CSMD1: variants seen among roughly 807,000 people sequenced by gnomAD.
CSMD1 encodes the protein CUB and sushi domain-containing protein 1.
In CSMD1, 213 loss-of-function variants were observed where a neutral mutation model predicts 417.5. The ratio of observed to expected loss-of-function variants is 0.51; its 90% CI spans 0.46 to 0.57. The LOEUF (loss-of-function observed/expected upper bound fraction) is 0.57, where lower values mean the gene tolerates loss of function less well. Ranked by LOEUF, CSMD1 falls within the 20% of genes least tolerant of loss-of-function variation. CSMD1 has a pLI of 0.00. For synonymous variants in CSMD1, 2,862 were observed against 1,736.8 expected, an observed-to-expected ratio of 1.65 and a Z score of -16.11; for missense variants, 6,923 against 4,529.7, an observed-to-expected ratio of 1.53 and a Z score of -15.17.
intron 5 of CSMD1, among the ~76,000 whole-genome samples, chr8:3,954,342 G>A (rs765393425): frequency 2.0e-5 from 3 of 152,030 alleles, no homozygotes; most frequent in Non-Finnish European, 2.9e-5. Context: ...AAGGTCAAGA[G>A]CCATTTAACT....
intron 7 of CSMD1, among the ~76,000 whole-genome samples, chr8:3,703,783 A>T (rs1801008252): frequency 6.6e-6 from 1 of 151,968 alleles, no homozygotes; most frequent in African/African-American, 2.4e-5. Flanking sequence ...TATAAACTTA[A>T]CTCTCAGCTG....
intron 1 of CSMD1, among the ~76,000 whole-genome samples, chr8:4,805,697 G>A (rs984815197): frequency 1.3e-5 from 2 of 152,180 alleles, no homozygotes; most frequent in African/African-American, 4.8e-5. Flanking sequence ...GCAGATGACA[G>A]AACAGACCTC....
rs543436524 is a variant in CSMD1 at position 4,453,846 on chromosome 8, G to T, written c.303-33781C>A. Reference sequence around the variant, plus strand: ...TTTTTTTTTTTTTTTTTTTGAGACAGAGTCTCACTCTGTCACCCACGCTGG... The same window carrying T: ...TTTTTTTTTTTTTTTTTTTGAGACATAGTCTCACTCTGTCACCCACGCTGG... On this transcript the variant is annotated intron_variant, in intron 2 of 69. Coordinates refer to ENST00000635120, the MANE Select transcript of CSMD1 (RefSeq NM_033225.6). Among the ~76,000 whole-genome samples the T allele has an allele frequency of 5.0e-5, 5 of 99,572 alleles. No individual in the cohort carries two copies. The Admixed American group carries it at 8.0e-4, about 16-fold the overall frequency. 65.3% of individuals were successfully genotyped at this position (99,572 alleles called of 152,430 possible). A position where few individuals can be genotyped will look rare whatever the true frequency, so the allele number is the denominator to read the frequency against.
chr8:3,118,637 T>TCCGAAGTAATTTA, intron 41 of CSMD1, 50 bp from the exon 42 acceptor site: 1 of 1,545,080 alleles, frequency 6.5e-7, no homozygotes. Flanking sequence ...GAGGTTAAAT[T>TCCGAAGTAATTTA]ACTTCGGAAT....
intron 5 of CSMD1, among the ~76,000 whole-genome samples, chr8:3,829,657 T>C (rs911189964): frequency 6.6e-6 from 1 of 152,216 alleles, no homozygotes; most frequent in Admixed American, 6.5e-5. Flanking sequence ...AGATGTTCTA[T>C]GATGCAAATG....
At chr8:3,853,495 A>G (rs1283064443) in intron 5 of CSMD1, among the ~76,000 whole-genome samples, 2 of 152,242 alleles carry the variant, frequency 1.3e-5, no homozygotes, top group African/African-American at 4.8e-5. Context: ...GTTCACAGAC[A>G]CTTCTCAAGC....
At chr8:4,896,290 A>T (rs1804474861) in intron 1 of CSMD1, among the ~76,000 whole-genome samples, 1 of 151,980 alleles carries the variant, frequency 6.6e-6, no homozygotes, top group Non-Finnish European at 1.5e-5. Flanking sequence ...ATCGCTAATT[A>T]TGGGTCTCTT....
chr8:3,633,699 A>G (rs1365444604), intron 7 of CSMD1, among the ~76,000 whole-genome samples: 3 of 152,338 alleles, frequency 2.0e-5, no homozygotes, highest in Non-Finnish European at 2.9e-5. Context: ...AAAACATTCA[A>G]TGATCCTTCA....
chr8:3,903,174 G>A (rs999692147), intron 5 of CSMD1, among the ~76,000 whole-genome samples: 4 of 152,082 alleles, frequency 2.6e-5, no homozygotes, highest in Non-Finnish European at 5.9e-5. Flanking sequence ...TAGCGATTGA[G>A]TATTAAGTGT....
chr8:4,941,948 C>T (rs1406939597), intron 1 of CSMD1, among the ~76,000 whole-genome samples: 1 of 152,190 alleles, frequency 6.6e-6, no homozygotes, highest in African/African-American at 2.4e-5. Flanking sequence ...CAGTTTTTAT[C>T]TGCTTCTTCC....
chr8:3,671,548 CATATATATGATCATATATATATATAT>C (rs1799056158), intron 7 of CSMD1, among the ~76,000 whole-genome samples: 6 of 2,896 alleles, frequency 2.1e-3, no homozygotes, highest in Admixed American at 0.012. Context: ...TATATATGAT[CATATATATGATCATATATATATATAT>C]ATATATATAT....
At chr8:3,620,710 T>C (rs1802381962) in intron 7 of CSMD1, among the ~76,000 whole-genome samples, 1 of 151,742 alleles carries the variant, frequency 6.6e-6, no homozygotes, top group African/African-American at 2.4e-5. Flanking sequence ...TACAAAAATA[T>C]CAACTAAACA....
intron 1 of CSMD1, among the ~76,000 whole-genome samples, chr8:4,941,139 T>A (rs150749570): frequency 4.7e-4 from 71 of 152,266 alleles, no homozygotes; most frequent in Admixed American, 7.2e-4. Flanking sequence ...CTAATTGGTT[T>A]TACAATAAAT....
chr8:4,422,775 A>C (rs1797321391), intron 2 of CSMD1, among the ~76,000 whole-genome samples: 1 of 152,152 alleles, frequency 6.6e-6, no homozygotes, highest in Non-Finnish European at 1.5e-5. Context: ...TAGATGCAAA[A>C]ATCCTTAACC....
intron 3 of CSMD1, among the ~76,000 whole-genome samples, chr8:4,138,981 G>A (rs1803608600): frequency 6.6e-6 from 1 of 152,134 alleles, no homozygotes; most frequent in Admixed American, 6.5e-5. Context: ...TCTTTCCTGA[G>A]CTGTGGGTTG....
At chr8:4,314,589 G>A (rs898146402) in intron 3 of CSMD1, among the ~76,000 whole-genome samples, 1 of 124,162 alleles carries the variant, frequency 8.1e-6, no homozygotes, top group African/African-American at 3.1e-5. Flanking sequence ...TATGCTACTG[G>A]TTGTATTACA....
At chr8:4,442,428 T>C (rs1437929630) in intron 2 of CSMD1, among the ~76,000 whole-genome samples, 1 of 152,138 alleles carries the variant, frequency 6.6e-6, no homozygotes, top group Non-Finnish European at 1.5e-5. Context: ...TATGAACATA[T>C]AAAGCCCAGT....
intron 5 of CSMD1, among the ~76,000 whole-genome samples, chr8:3,946,721 G>C (rs962727287): frequency 4.0e-5 from 6 of 151,868 alleles, no homozygotes; most frequent in African/African-American, 7.3e-5. Flanking sequence ...TTCATATTTT[G>C]TTAGGTCTTT....
intron 1 of CSMD1, among the ~76,000 whole-genome samples, chr8:4,731,270 G>C (rs1209000141): frequency 6.6e-6 from 1 of 152,102 alleles, no homozygotes; most frequent in African/African-American, 2.4e-5. Context: ...CTTTTGTCTT[G>C]GTTAGAGGCC....
Sources: allele counts gnomAD v4.1 joint callset (sites outside exome capture counted in the v4.1 genomes callset), GRCh38; gene constraint gnomAD v4.1.1; transcripts MANE v1.5; gene names NCBI Gene and HGNC (gene_info 2026-07-23, HGNC 2026-07-21).